MEI1: variants seen among roughly 807,000 people sequenced by gnomAD.
MEI1 encodes the protein meiosis inhibitor protein 1.
A neutral mutation model predicts 146.2 loss-of-function variants in MEI1; 103 were observed. The ratio of observed to expected loss-of-function variants is 0.70; its 90% CI spans 0.60 to 0.83. The LOEUF (loss-of-function observed/expected upper bound fraction) is 0.83, where lower values mean the gene tolerates loss of function less well. Ranked by LOEUF, MEI1 falls within the 40% of genes least tolerant of loss-of-function variation. MEI1 has a pLI of 0.00. For synonymous variants in MEI1, 652 were observed against 628.2 expected (o/e 1.04, Z -0.57); for missense variants, 1,529 against 1,533.0 (o/e 1.00, Z 0.04).
At chr22:41,751,468 C>G (rs1601924765) in intron 15 of MEI1, among the ~76,000 whole-genome samples, 1 of 112,740 alleles carries the variant, frequency 8.9e-6, no homozygotes, top group Non-Finnish European at 1.5e-5. Context: ...AAGGCCTGGG[C>G]CAGGGTCAAC....
intron 11 of MEI1, among the ~76,000 whole-genome samples, chr22:41,735,645 T>C (rs932389742): frequency 6.6e-6 from 1 of 152,240 alleles, no homozygotes; most frequent in Non-Finnish European, 1.5e-5. Context: ...CAAAGTGTTA[T>C]GTTATCATGT....
intron 6 of MEI1, 75 bp downstream of exon 6, chr22:41,718,349 C>A: frequency 7.0e-7 from 1 of 1,427,756 alleles, no homozygotes; most frequent in Non-Finnish European, 9.6e-7. Flanking sequence ...ATATTGGGTT[C>A]TCTAGTAGTG....
At chr22:41,739,988 A>T (rs906976671) in intron 11 of MEI1, among the ~76,000 whole-genome samples, 1 of 150,288 alleles carries the variant, frequency 6.7e-6, no homozygotes, top group Admixed American at 6.7e-5. Context: ...AGAGATGGAT[A>T]GGGGGCAGGT....
At chr22:41,737,646 A>G (rs1317243478) in intron 11 of MEI1, among the ~76,000 whole-genome samples, 3 of 151,776 alleles carry the variant, frequency 2.0e-5, no homozygotes, top group Admixed American at 1.3e-4. Flanking sequence ...GGTTCAAGCA[A>G]TTTTTCTGCC....
Position 41,799,340 on chromosome 22 carries a change from A to G in MEI1, c.*41A>G. 1 of 1,593,394 alleles carries G rather than the reference A, an allele frequency of 6.3e-7. No individual in the cohort carries two copies. Among genetic ancestry groups the G allele is most frequent in the Non-Finnish European group, 8.6e-7 (1 of 1,162,522 alleles). ...GGCCCAGAAGTGGAGAGAGAATGAG[A>G]CCTGGAGACAAAGGGCATAATTGTT... On this transcript the variant is annotated 3_prime_UTR_variant, in exon 31 of 31. Coordinates refer to ENST00000401548, the MANE Select transcript of MEI1 (RefSeq NM_152513.4).
At chr22:41,772,717 CCTAT>C (rs1309804621) in intron 20 of MEI1, among the ~76,000 whole-genome samples, 1 of 152,120 alleles carries the variant, frequency 6.6e-6, no homozygotes, top group Non-Finnish European at 1.5e-5. Flanking sequence ...GATTTGACTC[CCTAT>C]CTATCAGTTG....
Position 41,729,887 on chromosome 22 carries a change from T to C in MEI1, c.979+108T>C, listed in dbSNP as rs1601790262. On this transcript the variant is annotated intron_variant, in intron 8 of 30. Transcript: ENST00000401548. ...TGAACTATGTCTCATAACATCTGAA[T>C]CCTATTGCTACAGATTTCTTGTATG... The C allele has an allele frequency of 4.9e-5, 32 of 646,940 alleles. No individual in the cohort carries two copies. The East Asian group carries it at 1.0e-3, about 21-fold the overall frequency. 40.1% of individuals were successfully genotyped at this position (646,940 alleles called of 1,614,324 possible).
chr22:41,793,767 G>A, intron 26 of MEI1, 62 bp from the exon 27 acceptor site: 1 of 1,408,338 alleles, frequency 7.1e-7, no homozygotes, highest in Non-Finnish European at 9.6e-7. Flanking sequence ...GTTTTTTCTT[G>A]GTTGGCACCA....
At chr22:41,788,113 C>T (rs2076054935) in intron 26 of MEI1, among the ~76,000 whole-genome samples, 1 of 152,046 alleles carries the variant, frequency 6.6e-6, no homozygotes, top group South Asian at 2.1e-4. Flanking sequence ...TCACTGCAAC[C>T]TCTGCCTCCT....
At chr22:41,700,110 G>C (rs1254685083) in intron 1 of MEI1, among the ~76,000 whole-genome samples, 1 of 152,086 alleles carries the variant, frequency 6.6e-6, no homozygotes, top group African/African-American at 2.4e-5. Context: ...CGCCATTTCA[G>C]CCTCCACTCA....
chr22:41,793,714 C>T (rs2076271737), intron 26 of MEI1, 115 bp from the exon 27 acceptor site: 1 of 903,948 alleles, frequency 1.1e-6, no homozygotes, highest in Admixed American at 2.8e-5. Flanking sequence ...GCTATAATCC[C>T]AAATCTGAAA....
intron 17 of MEI1, among the ~76,000 whole-genome samples, chr22:41,758,094 C>A (rs2074214126): frequency 6.6e-6 from 1 of 151,986 alleles, no homozygotes; most frequent in African/African-American, 2.4e-5. Context: ...GGCAACAGAG[C>A]GAGACTCTGT....
At chr22:41,797,195 C>A (rs1042448668) in intron 30 of MEI1, among the ~76,000 whole-genome samples, 3 of 151,922 alleles carry the variant, frequency 2.0e-5, no homozygotes, top group East Asian at 4.0e-4. Context: ...CACCATGTTG[C>A]CCAGGCTTGT....
intron 6 of MEI1, among the ~76,000 whole-genome samples, chr22:41,719,904 T>C (rs979941705): frequency 4.6e-5 from 7 of 152,294 alleles, no homozygotes; most frequent in African/African-American, 1.7e-4. Context: ...AAGCATAGTC[T>C]ATTGGTGACA....
At chr22:41,771,053 T>TGCTTCAGCCCACCTCC in intron 20 of MEI1, 92 bp downstream of exon 20, 1 of 1,396,162 alleles carries the variant, frequency 7.2e-7, no homozygotes, top group Non-Finnish European at 9.8e-7. Context: ...CACCCACATC[T>TGCTTCAGCCCACCTCC]GCTTCAGCCC....
At chr22:41,755,340 C>T (rs532558086) in intron 17 of MEI1, among the ~76,000 whole-genome samples, 3 of 152,294 alleles carry the variant, frequency 2.0e-5, no homozygotes, top group Non-Finnish European at 4.4e-5. Flanking sequence ...ACCTGCTGCT[C>T]TCTTTTATCT....
At chr22:41,743,046 T>TA (rs749021116) in intron 11 of MEI1, 34 bp from the exon 12 acceptor site, 1 of 1,529,044 alleles carries the variant, frequency 6.5e-7, no homozygotes, top group Admixed American at 1.7e-5. Flanking sequence ...ACCGTTGCCT[T>TA]ACCGTGAACC....
Position 41,758,055 on chromosome 22 carries a change from C to A in MEI1, c.1952-310C>A, listed in dbSNP as rs940377624. ...CCCAGAACGGGGAGGTTGCAGTGAG[C>A]CGAGATCATGCCATTGCACTCCAGC... On this transcript the variant is annotated intron_variant, in intron 17 of 30. Transcript: ENST00000401548. Among the ~76,000 whole-genome samples the A allele has an allele frequency of 6.2e-4, 94 of 152,198 alleles. 1 individual carries two copies. Among genetic ancestry groups the A allele is most frequent in the Middle Eastern group, 3.4e-3 (1 of 294 alleles).
At chr22:41,721,719 C>CT (rs58572782) in intron 6 of MEI1, among the ~76,000 whole-genome samples, 69,486 of 102,110 alleles carry the variant, frequency 0.68, 25,640 homozygotes, top group East Asian at 0.89. Context: ...AATGCTACCC[C>CT]TTTTTTTTTT....
Sources: allele counts gnomAD v4.1 joint callset (sites outside exome capture counted in the v4.1 genomes callset), GRCh38; gene constraint gnomAD v4.1.1; transcripts MANE v1.5; gene names NCBI Gene and HGNC (gene_info 2026-07-23, HGNC 2026-07-21).